Variants in PCDHGB1 observed in about 807,000 individuals in gnomAD.
The protein encoded by PCDHGB1 is protocadherin gamma-B1.
A neutral mutation model predicts 56.6 loss-of-function variants in PCDHGB1; 34 were observed. The ratio of observed to expected loss-of-function variants is 0.60; its 90% CI spans 0.46 to 0.80. The LOEUF is 0.80. Among genes scored for constraint, PCDHGB1 ranks in the 30% least tolerant of loss-of-function variants. PCDHGB1 has a pLI of 0.00. For synonymous variants in PCDHGB1, 561 were observed against 505.9 expected, an observed-to-expected ratio of 1.11 and a Z score of -1.46; for missense variants, 1,278 against 1,204.6, an observed-to-expected ratio of 1.06 and a Z score of -0.90.
chr5:141,370,997 C>T, intron 1 of PCDHGB1: 5 of 1,613,984 alleles, frequency 3.1e-6, no homozygotes, highest in Non-Finnish European at 4.2e-6. Context: ...CACCCCTGGA[C>T]AGGGAAGAGC....
Position 141,413,187 on chromosome 5 carries a change from A to G in PCDHGB1, c.2409+60518A>G, listed in dbSNP as rs778441437. The G allele has an allele frequency of 6.2e-6, 10 of 1,606,328 alleles. No individual in the cohort carries two copies. The African/African-American group carries it at 1.3e-4, about 22-fold the overall frequency. On this transcript the variant is annotated intron_variant, in intron 1 of 3. Transcript: ENST00000523390. Reference sequence around the variant, plus strand: ...GTAACCAGACTACAATGGCCGCTCAAAGGAATCGCTCAAAGGAATCAAAGG... The same window carrying G: ...GTAACCAGACTACAATGGCCGCTCAGAGGAATCGCTCAAAGGAATCAAAGG...
At chr5:141,391,213 C>T (rs1255778682) in intron 1 of PCDHGB1, 1 of 152,056 alleles carries the variant, frequency 6.6e-6, no homozygotes, top group African/African-American at 2.4e-5. Flanking sequence ...TACCAAGGAA[C>T]ATTATATGAG....
chr5:141,413,431 G>C (rs963192857), intron 1 of PCDHGB1: 1 of 1,614,092 alleles, frequency 6.2e-7, no homozygotes, highest in Non-Finnish European at 8.5e-7. Flanking sequence ...CCCGCGCAGC[G>C]GCAGCTTGAT....
intron 1 of PCDHGB1, among the ~76,000 whole-genome samples, chr5:141,455,489 A>T (rs925133619): frequency 3.9e-5 from 6 of 152,152 alleles, no homozygotes; most frequent in African/African-American, 4.8e-5. Context: ...GGTGGAGGTG[A>T]TGTCTGATTT....
At position 141,405,272 on chromosome 5, in the gene PCDHGB1, A is replaced by G. The variant is rs551265067; in HGVS notation, c.2409+52603A>G. The G allele has an allele frequency of 9.3e-6, 15 of 1,614,170 alleles. No individual in the cohort carries two copies. In the South Asian group the frequency reaches 1.6e-4, roughly 18 times the overall value. On this transcript the variant is annotated intron_variant, in intron 1 of 3. Transcript: ENST00000523390. ...GAGTCACCTGATCTTCCCCCAGCCC[A>G]ACTATGCAGACACACTCATCAGCCA...
intron 1 of PCDHGB1, chr5:141,440,369 G>A (rs2098171994): frequency 6.6e-6 from 1 of 152,156 alleles, no homozygotes; most frequent in African/African-American, 2.4e-5. Context: ...GGGGGGCCGA[G>A]GCAGGAGAAT....
intron 1 of PCDHGB1, chr5:141,405,547 G>A (rs2094685057): frequency 1.6e-6 from 1 of 629,986 alleles, no homozygotes; most frequent in Non-Finnish European, 2.7e-6. Context: ...AGCCTCCCAA[G>A]TAGAGTAGCT....
intron 1 of PCDHGB1, chr5:141,422,516 G>A (rs575294611): frequency 1.2e-6 from 2 of 1,614,014 alleles, no homozygotes; most frequent in African/African-American, 1.3e-5. Context: ...GACCAGGGAA[G>A]CCCGCCTTTG....
chr5:141,376,233 A>G lies in PCDHGB1; in HGVS notation c.2409+23564A>G, dbSNP rs2159258. 2.7e-3 allele frequency: 4,327 copies of G among 1,614,166 alleles called. 84 individuals carry two copies. In the African/African-American group the frequency reaches 0.046, roughly 17 times the overall value. Reference sequence around the variant, plus strand: ...ATCGTGCTGCTGGCGCTCAGACTGCAGCGCTGGCACAAGTCACGCCTGCTG... The same window carrying G: ...ATCGTGCTGCTGGCGCTCAGACTGCGGCGCTGGCACAAGTCACGCCTGCTG... On this transcript the variant is annotated intron_variant, in intron 1 of 3. Coordinates refer to ENST00000523390, the MANE Select transcript of PCDHGB1 (RefSeq NM_018922.3).
intron 1 of PCDHGB1, chr5:141,428,361 C>T (rs1285334430): frequency 9.0e-6 from 5 of 556,646 alleles, no homozygotes; most frequent in South Asian, 7.5e-5. Context: ...TTTTGGCGGT[C>T]GCCTTGCACC....
At chr5:141,409,986 A>G (rs995773112) in intron 1 of PCDHGB1, 27 of 1,612,796 alleles carry the variant, frequency 1.7e-5, no homozygotes, top group Non-Finnish European at 2.2e-5. Context: ...GTAGCGGTGG[A>G]CGCCGACTCG....
chr5:141,409,172 G>C (rs574905228), intron 1 of PCDHGB1: 1 of 1,614,006 alleles, frequency 6.2e-7, no homozygotes, highest in Non-Finnish European at 8.5e-7. Context: ...AGCGAAGGAC[G>C]GAGGTGGTCT....
At chr5:141,478,345 C>T (rs755421316) in intron 1 of PCDHGB1, 3 of 1,613,850 alleles carry the variant, frequency 1.9e-6, no homozygotes, top group East Asian at 4.5e-5. Context: ...CCTCCTTGCA[C>T]GCGGACGCCG....
rs1284989963 is a variant in PCDHGB1 at position 141,419,134 on chromosome 5, A to T, written c.2409+66465A>T. On this transcript the variant is annotated intron_variant, in intron 1 of 3. Transcript: ENST00000523390. ...AGTACAACGTCACCATCGCAGCCAC[A>T]GACAGGGGCAAGCCTCCGTTATCCT... is the stretch of plus-strand genomic sequence containing the variant. 2.5e-6 allele frequency: 4 copies of T among 1,613,826 alleles called. No individual in the cohort carries two copies. In the African/African-American group the frequency reaches 5.3e-5, roughly 22 times the overall value.
chr5:141,396,695 T>G (rs920549434), intron 1 of PCDHGB1: 1 of 152,226 alleles, frequency 6.6e-6, no homozygotes, highest in Non-Finnish European at 1.5e-5. Context: ...CATACCTTCT[T>G]GTAGCATTTG....
At chr5:141,423,920 G>A (rs2096790804) in intron 1 of PCDHGB1, 2 of 1,258,728 alleles carry the variant, frequency 1.6e-6, no homozygotes, top group African/African-American at 1.6e-5. Flanking sequence ...ATTCAACTAT[G>A]CTGGTTTGGT....
rs1281778338 is a variant in PCDHGB1, at chr5:141,512,281, G to A, written c.*1108G>A. ...TGGGTACTCCAGAGGTGCCACTGGTGGAAGGGTCAGCGGAGCCCCAGCAGG... is the reference window on the plus strand; with the variant it reads ...TGGGTACTCCAGAGGTGCCACTGGTAGAAGGGTCAGCGGAGCCCCAGCAGG... On this transcript the variant is annotated 3_prime_UTR_variant, in exon 4 of 4. Transcript: ENST00000523390. 6.5e-6 allele frequency: 1 copy of A among 152,810 alleles called. No homozygotes were observed. Among genetic ancestry groups the A allele is most frequent in the Non-Finnish European group, 1.5e-5 (1 of 68,178 alleles). The allele number at this position is 152,810 out of a possible 1,614,324, so 9.5% of individuals were successfully genotyped here.
chr5:141,360,897 C>T, intron 1 of PCDHGB1: 4 of 1,614,016 alleles, frequency 2.5e-6, no homozygotes, highest in African/African-American at 1.3e-5. Context: ...TGAGGGAGGA[C>T]GTGCCGCCGG....
At chr5:141,365,706 C>T (rs779448749) in intron 1 of PCDHGB1, 1 of 1,613,698 alleles carries the variant, frequency 6.2e-7, no homozygotes, top group African/African-American at 1.3e-5. Flanking sequence ...TCCTACTCCA[C>T]CTCTGTCACA....
Sources: gnomAD v4.1 joint callset for allele counts (sites outside exome capture counted in the v4.1 genomes callset) on GRCh38, gnomAD v4.1.1 for gene constraint, MANE v1.5 for transcripts, NCBI Gene and HGNC (gene_info 2026-07-23, HGNC 2026-07-21) for gene names.